Variants in MAP3K15 observed in about 807,000 individuals in gnomAD.
The protein encoded by MAP3K15 is MAPK/ERK kinase kinase 15.
MAP3K15 carries 124 observed loss-of-function variants against 99.5 expected under a neutral mutation model. The ratio of observed to expected loss-of-function variants is 1.25; its 90% CI spans 1.08 to 1.45. The LOEUF (loss-of-function observed/expected upper bound fraction) is 1.45. MAP3K15 is among the 40% of genes most tolerant of loss of function. The probability of loss-of-function intolerance (pLI) is 0.00; values close to 1 mark genes in which losing one functional copy is unlikely to be tolerated. For missense variants in MAP3K15, 1,242 were observed against 1,079.7 expected, an observed-to-expected ratio of 1.15 and a Z score of -2.11; for synonymous variants, 494 against 439.6, an observed-to-expected ratio of 1.12 and a Z score of -1.55.
chrX:19,413,332 A>G (rs370178322), intron 11 of MAP3K15, 25 bp downstream of exon 11: 25 of 1,113,344 alleles, frequency 2.2e-5, no homozygotes, highest in East Asian at 3.1e-5. Flanking sequence ...AACTGATTAA[A>G]TTGCTTGTGA....
At chrX:19,366,913 C>T (rs367617918) in intron 25 of MAP3K15, among the ~76,000 whole-genome samples, 4 of 111,936 alleles carry the variant, frequency 3.6e-5, no homozygotes, top group African/African-American at 9.7e-5. Flanking sequence ...AAATAACCTT[C>T]AAACCCATAT....
Position 19,460,115 on chromosome X carries a change from T to C in MAP3K15, c.758A>G (p.Lys253Arg). ...YKETLLNDIRKAREKYQGEEL... is the reference protein window; with the variant it reads ...YKETLLNDIRRAREKYQGEEL... ...CTCACCTTGGTATTTCTCTCTGGCTTTCCGGATGTCATTTAACAAGGTTTC... is the reference window on the plus strand; with the variant it reads ...CTCACCTTGGTATTTCTCTCTGGCTCTCCGGATGTCATTTAACAAGGTTTC... The change falls in exon 5 of 29, where the codon AAA becomes AGA. Residue 253 changes from lysine (K) to arginine (R), a missense_variant. Physicochemically the swap from Lys to Arg is conservative, Grantham distance 26 (BLOSUM62 2). Coordinates refer to ENST00000338883, the MANE Select transcript of MAP3K15 (RefSeq NM_001001671.4). 1 of 1,193,760 alleles carries C rather than the reference T, an allele frequency of 8.4e-7. No homozygotes were observed. The highest frequency in any genetic ancestry group is 1.1e-6 in the Non-Finnish European group (1 of 892,903).
At chrX:19,470,851 G>T (rs756752225) in intron 3 of MAP3K15, among the ~76,000 whole-genome samples, 1 of 111,940 alleles carries the variant, frequency 8.9e-6, no homozygotes, top group Non-Finnish European at 1.9e-5. Context: ...TGACTTGAAA[G>T]CAGATATTAC....
At chrX:19,378,645 G>T (rs892300870) in intron 19 of MAP3K15, among the ~76,000 whole-genome samples, 3 of 111,529 alleles carry the variant, frequency 2.7e-5, no homozygotes, top group Non-Finnish European at 3.8e-5. Context: ...AATTCAAGAT[G>T]AGATTTGGGT....
rs777315377 is a variant in MAP3K15 at position 19,378,503 on chromosome X, G to A, written c.2589+1617C>T. On this transcript the variant is annotated intron_variant, in intron 19 of 28. Transcript: ENST00000338883. The stretch of plus-strand genomic sequence containing the variant: ...AGAGAGAATGAGAACCAGCAAAGGC[G>A]GAAGCCCCTTATAAAACCATCAGAT... 7.1e-5 allele frequency among the ~76,000 whole-genome samples: 8 copies of A among 111,901 alleles called. No homozygotes were observed. The South Asian group carries it at 1.9e-3, about 26-fold the overall frequency.
chrX:19,501,076 G>A (rs2064437375), intron 1 of MAP3K15, among the ~76,000 whole-genome samples: 1 of 111,397 alleles, frequency 9.0e-6, no homozygotes, highest in Admixed American at 9.6e-5. Context: ...GCTCAGGGAA[G>A]GGCCCCTATG....
intron 6 of MAP3K15, among the ~76,000 whole-genome samples, chrX:19,451,138 T>C (rs1028524731): frequency 2.8e-5 from 3 of 107,422 alleles, no homozygotes; most frequent in Non-Finnish European, 5.9e-5. Context: ...ATACAAAAAT[T>C]AGCTGGCGTG....
At chrX:19,481,401 A>G (rs1569239133) in intron 3 of MAP3K15, among the ~76,000 whole-genome samples, 1 of 111,047 alleles carries the variant, frequency 9.0e-6, no homozygotes, top group Non-Finnish European at 1.9e-5. Flanking sequence ...TCAGAGACCT[A>G]AATGTAAGAG....
chrX:19,450,966 C>T (rs2064032989), intron 6 of MAP3K15, among the ~76,000 whole-genome samples: 1 of 108,821 alleles, frequency 9.2e-6, no homozygotes, highest in African/African-American at 3.3e-5. Context: ...ACATTGAAAG[C>T]ACAGGCAACA....
At chrX:19,503,044 C>G (rs2064450839) in intron 1 of MAP3K15, among the ~76,000 whole-genome samples, 1 of 111,307 alleles carries the variant, frequency 9.0e-6, no homozygotes, top group African/African-American at 3.3e-5. Context: ...TAGACCAAGA[C>G]AGTAGCAGGG....
chrX:19,504,955 CAAAA>C, intron 1 of MAP3K15, among the ~76,000 whole-genome samples: 1 of 51,820 alleles, frequency 1.9e-5, no homozygotes. Context: ...GACCTCCTCT[CAAAA>C]AAAAAAAAAA....
At chrX:19,405,762 A>G (rs1386565257) in intron 13 of MAP3K15, among the ~76,000 whole-genome samples, 1 of 112,211 alleles carries the variant, frequency 8.9e-6, no homozygotes, top group Non-Finnish European at 1.9e-5. Flanking sequence ...TTACTTTTAA[A>G]CAGTTCAGAA....
At chrX:19,427,570 A>G (rs2063842357) in intron 7 of MAP3K15, among the ~76,000 whole-genome samples, 1 of 111,492 alleles carries the variant, frequency 9.0e-6, no homozygotes, top group African/African-American at 3.3e-5. Context: ...CTATTTTTAC[A>G]CCAAAGGTTA....
chrX:19,440,790 T>C (rs2063953818), intron 6 of MAP3K15, among the ~76,000 whole-genome samples: 2 of 112,700 alleles, frequency 1.8e-5, no homozygotes, highest in African/African-American at 6.4e-5. Context: ...AGTTAAACTC[T>C]ACTCCTTATT....
chrX:19,464,955 G>GA (rs1306198709), intron 3 of MAP3K15, among the ~76,000 whole-genome samples: 3 of 110,875 alleles, frequency 2.7e-5, no homozygotes, highest in Admixed American at 9.6e-5. Context: ...GCAGTGGCGC[G>GA]AACATGGCTC....
At position 19,387,624 on chromosome X, in the gene MAP3K15, C is replaced by T. The variant is rs763950888; in HGVS notation, c.2431+4378G>A. Among the ~76,000 whole-genome samples, 4 of 111,008 alleles carry T rather than the reference C, an allele frequency of 3.6e-5. No homozygotes were observed. In the South Asian group the frequency reaches 1.1e-3, roughly 32 times the overall value. On this transcript the variant is annotated intron_variant, in intron 18 of 28. Coordinates refer to ENST00000338883, the MANE Select transcript of MAP3K15 (RefSeq NM_001001671.4). ...CTGGTCTCAAACTCCTGGGCTCAAG[C>T]GATCCTCCCACCTCAGCCTCCCAGA... is the stretch of plus-strand genomic sequence containing the variant.
intron 21 of MAP3K15, 29 bp downstream of exon 21, chrX:19,373,507 C>T (rs770803537): frequency 9.7e-5 from 113 of 1,161,306 alleles, no homozygotes; most frequent in South Asian, 5.0e-4. Context: ...CTTTCGGGCC[C>T]GCGGCAGACA....
intron 6 of MAP3K15, among the ~76,000 whole-genome samples, chrX:19,435,232 CTTTT>C (rs762215032): frequency 1.0e-5 from 1 of 99,326 alleles, no homozygotes; most frequent in East Asian, 3.1e-4. Context: ...CACTTGAATG[CTTTT>C]TTTTTTTTTT....
intron 6 of MAP3K15, among the ~76,000 whole-genome samples, chrX:19,454,868 A>T (rs1204887649): frequency 8.9e-6 from 1 of 112,055 alleles, no homozygotes; most frequent in Non-Finnish European, 1.9e-5. Flanking sequence ...CCTAATTTGA[A>T]ATACAAAATG....
Sources: allele counts gnomAD v4.1 joint callset (sites outside exome capture counted in the v4.1 genomes callset), GRCh38; gene constraint gnomAD v4.1.1; transcripts MANE v1.5; gene names NCBI Gene and HGNC (gene_info 2026-07-23, HGNC 2026-07-21).